ARHGAP39: variants seen among roughly 807,000 people sequenced by gnomAD.
ARHGAP39 encodes the protein rho GTPase-activating protein 39.
A neutral mutation model predicts 106.9 loss-of-function variants in ARHGAP39; 44 were observed. The ratio of observed to expected loss-of-function variants is 0.41; its 90% confidence interval spans 0.32 to 0.53. The LOEUF (loss-of-function observed/expected upper bound fraction) is 0.53. Ranked by LOEUF, ARHGAP39 falls within the 20% of genes least tolerant of loss-of-function variation. The probability of loss-of-function intolerance (pLI) is 0.21; values close to 1 mark genes in which losing one functional copy is unlikely to be tolerated. For synonymous variants in ARHGAP39, 768 were observed against 693.2 expected, an observed-to-expected ratio of 1.11 and a Z score of -1.69; for missense variants, 1,496 against 1,577.3, an observed-to-expected ratio of 0.95 and a Z score of 0.87.
the ARHGAP39 span, among the ~76,000 whole-genome samples, chr8:144,697,720 G>T: frequency 6.6e-6 from 1 of 152,048 alleles, no homozygotes; most frequent in African/African-American, 2.4e-5. Context: ...TCGAACTCCT[G>T]ACCTCAGGTG....
intron 1 of ARHGAP39, among the ~76,000 whole-genome samples, chr8:144,627,277 C>T (rs563034514): frequency 3.3e-4 from 51 of 152,290 alleles, no homozygotes; most frequent in African/African-American, 1.1e-3. Flanking sequence ...GTCCACTGGC[C>T]GGGCGCGGTG....
chr8:144,546,993 G>A, intron 5 of ARHGAP39, 134 bp downstream of exon 5: 2 of 1,156,064 alleles, frequency 1.7e-6, no homozygotes, highest in Non-Finnish European at 2.3e-6. Flanking sequence ...GGGCCCCGGA[G>A]ACACGGGGCT....
chr8:144,602,882 TGTG>T (rs1820100376), intron 2 of ARHGAP39, among the ~76,000 whole-genome samples: 1 of 101,162 alleles, frequency 9.9e-6, no homozygotes, highest in Admixed American at 1.1e-4. Context: ...ATGTGTGTGG[TGTG>T]TGTGAGAGCT....
intron 1 of ARHGAP39, among the ~76,000 whole-genome samples, chr8:144,609,102 G>A (rs1183111868): frequency 6.6e-6 from 1 of 152,228 alleles, no homozygotes; most frequent in Non-Finnish European, 1.5e-5. Context: ...CAATTAGTAA[G>A]AGTGAACATA....
intron 2 of ARHGAP39, among the ~76,000 whole-genome samples, chr8:144,603,155 G>C (rs1284603201): frequency 2.1e-5 from 3 of 141,530 alleles, no homozygotes; most frequent in Admixed American, 1.4e-4. Flanking sequence ...GCATGTGCGT[G>C]GAGGTGTGTG....
intron 5 of ARHGAP39, among the ~76,000 whole-genome samples, chr8:144,546,354 C>T (rs1009178927): frequency 1.3e-5 from 2 of 152,160 alleles, no homozygotes; most frequent in Non-Finnish European, 2.9e-5. Context: ...CCCTCTTGTC[C>T]TGCATCTTGA....
intron 7 of ARHGAP39, among the ~76,000 whole-genome samples, chr8:144,535,762 T>G (rs1330715350): frequency 6.6e-6 from 1 of 152,198 alleles, no homozygotes; most frequent in Non-Finnish European, 1.5e-5. Context: ...ACTCTGTGAC[T>G]GGGATACACT....
At chr8:144,587,262 C>G (rs1035680457) in intron 2 of ARHGAP39, among the ~76,000 whole-genome samples, 3 of 152,186 alleles carry the variant, frequency 2.0e-5, no homozygotes, top group African/African-American at 7.2e-5. Flanking sequence ...GAAGTGACAG[C>G]CAGGTAAGCA....
intron 1 of ARHGAP39, among the ~76,000 whole-genome samples, chr8:144,621,340 G>A (rs549590679): frequency 1.3e-4 from 20 of 152,378 alleles, no homozygotes; most frequent in Middle Eastern, 3.4e-3. Flanking sequence ...AGGGCTTCCA[G>A]GCCAACAGAG....
the ARHGAP39 span, among the ~76,000 whole-genome samples, chr8:144,697,315 CAA>C: frequency 0.062 from 7,339 of 119,078 alleles, 558 homozygotes; most frequent in East Asian, 0.39. Flanking sequence ...AGATCCCTCT[CAA>C]AAAAAAAAAA....
chr8:144,674,229 G>C (rs1822174314), intron 1 of ARHGAP39, among the ~76,000 whole-genome samples: 1 of 152,196 alleles, frequency 6.6e-6, no homozygotes, highest in Non-Finnish European at 1.5e-5. Context: ...CACATGTCCA[G>C]GTAGAATGAG....
chr8:144,618,213 C>A (rs1331923442), intron 1 of ARHGAP39, among the ~76,000 whole-genome samples: 1 of 152,246 alleles, frequency 6.6e-6, no homozygotes, highest in Non-Finnish European at 1.5e-5. Context: ...CCCACCCGAG[C>A]CCAGTGCCCC....
chr8:144,614,754 T>C (rs748685021), intron 1 of ARHGAP39, among the ~76,000 whole-genome samples: 3 of 152,238 alleles, frequency 2.0e-5, no homozygotes, highest in Admixed American at 6.5e-5. Context: ...CAGCATTTAT[T>C]CTAGGGCTAA....
At position 144,602,382 on chromosome 8, in the gene ARHGAP39, T is replaced by C. The variant is rs1446292861; in HGVS notation, c.80+3153A>G. Among the ~76,000 whole-genome samples, 11 of 142,534 alleles carry C rather than the reference T, an allele frequency of 7.7e-5. No homozygotes were observed. In the East Asian group the frequency reaches 1.5e-3, roughly 20 times the overall value. The allele number at this position is 142,534 out of a possible 152,430, so 93.5% of individuals were successfully genotyped here. On this transcript the variant is annotated intron_variant, in intron 2 of 11. Coordinates refer to ENST00000377307, the MANE Select transcript of ARHGAP39 (RefSeq NM_025251.3). ...ATGGAGGTGTGTGTGCGAGCTCATGTACCTGTGTGTGTGCGTGGAGGCGTG... is the reference window on the plus strand; with the variant it reads ...ATGGAGGTGTGTGTGCGAGCTCATGCACCTGTGTGTGTGCGTGGAGGCGTG...
At position 144,647,458 on chromosome 8, in the gene ARHGAP39, T is replaced by C. The variant is rs370451836; in HGVS notation, c.-82+38228A>G. Among the ~76,000 whole-genome samples, 1 of 152,192 alleles carries C rather than the reference T, an allele frequency of 6.6e-6. No individual in the cohort carries two copies. Among genetic ancestry groups the C allele is most frequent in the African/African-American group, 2.4e-5 (1 of 41,456 alleles). On this transcript the variant is annotated intron_variant, in intron 1 of 11. Transcript: ENST00000377307. This position sits in a 1 kb window ranked among gnomAD's most constrained non-coding sequence, Gnocchi z 4.8. ...TTGAGTCCTGTGCTCACAATGTCCA[T>C]GGCCCCAGAACATTCCCACAAGGAA... is the stretch of plus-strand genomic sequence containing the variant.
intron 2 of ARHGAP39, among the ~76,000 whole-genome samples, chr8:144,598,721 C>G (rs1029871307): frequency 6.6e-6 from 1 of 152,212 alleles, no homozygotes; most frequent in Non-Finnish European, 1.5e-5. Flanking sequence ...TGCTCTTTCT[C>G]CAGTCACCTG....
At chr8:144,549,117 A>C (rs1817599422) in intron 4 of ARHGAP39, among the ~76,000 whole-genome samples, 1 of 152,176 alleles carries the variant, frequency 6.6e-6, no homozygotes, top group East Asian at 1.9e-4. Flanking sequence ...AGTCCTCCCA[A>C]CTCAGTGCAT....
intron 2 of ARHGAP39, among the ~76,000 whole-genome samples, chr8:144,589,240 A>G (rs1819299950): frequency 1.3e-5 from 2 of 152,368 alleles, no homozygotes; most frequent in African/African-American, 2.4e-5. Context: ...GCTTAAAAAA[A>G]GTAAGTAGTC....
At chr8:144,555,851 G>A (rs369462520) in intron 3 of ARHGAP39, among the ~76,000 whole-genome samples, 1 of 152,216 alleles carries the variant, frequency 6.6e-6, no homozygotes, top group South Asian at 2.1e-4. Flanking sequence ...AGAGGCCAGG[G>A]AGTGGCTGGG....
Sources: gnomAD v4.1 joint callset for allele counts (sites outside exome capture counted in the v4.1 genomes callset) on GRCh38, gnomAD v4.1.1 for gene constraint, Gnocchi (gnomAD v3.1) non-coding constraint, MANE v1.5 for transcripts, NCBI Gene and HGNC (gene_info 2026-07-23, HGNC 2026-07-21) for gene names.